The following PREX1 variants were observed in gnomAD, a reference collection of about 807,000 sequenced individuals.
PREX1 encodes phosphatidylinositol-3,4,5-trisphosphate dependent Rac exchange factor 1.
In PREX1, 41 loss-of-function variants were observed where a neutral mutation model predicts 198.3. The observed-to-expected ratio is 0.21, with a 90% CI of 0.16 to 0.27. The LOEUF (loss-of-function observed/expected upper bound fraction) is 0.27. Among genes scored for constraint, PREX1 ranks in the 10% least tolerant of loss-of-function variants. The probability of loss-of-function intolerance (pLI) is 1.00; values close to 1 mark genes in which losing one functional copy is unlikely to be tolerated. For synonymous variants in PREX1, 843 were observed against 887.2 expected, an observed-to-expected ratio of 0.95 and a Z score of 0.89; for missense variants, 1,620 against 2,200.7, an observed-to-expected ratio of 0.74 and a Z score of 5.28.
upstream of PREX1, among the ~76,000 whole-genome samples, chr20:48,831,936 C>T (rs2044516172): frequency 6.6e-6 from 1 of 152,178 alleles, no homozygotes; most frequent in Non-Finnish European, 1.5e-5. Context: ...ACTAAGCAGT[C>T]AGGCTGGAGT....
At chr20:48,633,080 A>T (rs2089328562) in intron 33 of PREX1, among the ~76,000 whole-genome samples, 1 of 152,194 alleles carries the variant, frequency 6.6e-6, no homozygotes, top group South Asian at 2.1e-4. Context: ...GCCAGAAGGA[A>T]GCGCTTAGGG....
At chr20:48,696,844 T>C (rs1248553643) in intron 7 of PREX1, among the ~76,000 whole-genome samples, 1 of 152,138 alleles carries the variant, frequency 6.6e-6, no homozygotes, top group Non-Finnish European at 1.5e-5. Flanking sequence ...CTCAAGCAGA[T>C]ATCAGCTCTT....
At chr20:48,627,656 A>C in intron 38 of PREX1, 41 bp from the exon 39 acceptor site, 1 of 1,120,224 alleles carries the variant, frequency 8.9e-7, no homozygotes, top group Non-Finnish European at 1.3e-6. Context: ...CTGCAGGTTC[A>C]GGGCACGTGA....
At chr20:48,688,073 T>A (rs1280895157) in intron 10 of PREX1, among the ~76,000 whole-genome samples, 2 of 152,098 alleles carry the variant, frequency 1.3e-5, no homozygotes, top group Non-Finnish European at 2.9e-5. Context: ...GTGCACTTTG[T>A]TATGGCAGCC....
intron 1 of PREX1, among the ~76,000 whole-genome samples, chr20:48,820,951 G>C (rs1288327856): frequency 6.6e-6 from 1 of 152,220 alleles, no homozygotes; most frequent in African/African-American, 2.4e-5. Context: ...TATAATCCCA[G>C]CACTGTGGGA....
rs2089436498 is a variant in PREX1, at chr20:48,644,444, T to C, written c.3566A>G (p.Asn1189Ser). 1 of 1,613,832 alleles carries C rather than the reference T, an allele frequency of 6.2e-7. No homozygotes were observed. Among genetic ancestry groups the C allele is most frequent in the Non-Finnish European group, 8.5e-7 (1 of 1,179,918 alleles). ...SVLSYTSVRS[N>S]SSYLGSDEMG... Reference sequence around the variant, plus strand: ...CTCGTCGCTGCCCAAGTAGGAGCTGTTACTTCTCACGCTGGTGTAGGACAG... The same window carrying C: ...CTCGTCGCTGCCCAAGTAGGAGCTGCTACTTCTCACGCTGGTGTAGGACAG... Residue 1189 changes from asparagine (N) to serine (S), a missense_variant, in exon 27 of 40, where the codon AAC (asparagine) becomes AGC (serine). This residue lies in a region of PREX1 where 9 missense variants were observed against 31.6 expected (regional missense o/e 0.29). Coordinates refer to ENST00000371941, the MANE Select transcript of PREX1 (RefSeq NM_020820.4).
intron 7 of PREX1, among the ~76,000 whole-genome samples, chr20:48,694,254 T>TA (rs2089834344): frequency 6.6e-6 from 1 of 152,150 alleles, no homozygotes; most frequent in Non-Finnish European, 1.5e-5. Context: ...GGTATTTTGT[T>TA]ATAGCAGCCT....
At chr20:48,789,193 A>T (rs1007455417) in intron 1 of PREX1, among the ~76,000 whole-genome samples, 1 of 152,208 alleles carries the variant, frequency 6.6e-6, no homozygotes, top group Non-Finnish European at 1.5e-5. Context: ...CCACCAATTC[A>T]GAATGGAACA....
intron 1 of PREX1, among the ~76,000 whole-genome samples, chr20:48,756,025 T>C (rs6019406): frequency 0.41 from 62,364 of 151,976 alleles, 13,106 homozygotes; most frequent in Admixed American, 0.46. Context: ...CCTCCTTGGA[T>C]ATGTGTATCC....
chr20:48,642,338 G>C (rs2089420871), intron 28 of PREX1, 69 bp downstream of exon 28: 5 of 1,604,388 alleles, frequency 3.1e-6, no homozygotes, highest in African/African-American at 1.3e-5. Flanking sequence ...CAGCCCCCGG[G>C]TCATGGGCCC....
chr20:48,813,656 G>A (rs1453816921), intron 1 of PREX1, among the ~76,000 whole-genome samples: 1 of 152,140 alleles, frequency 6.6e-6, no homozygotes, highest in African/African-American at 2.4e-5. Flanking sequence ...GTGCATGATG[G>A]AGACAGGGAA....
At chr20:48,854,585 C>A in the PREX1 span, among the ~76,000 whole-genome samples, 1 of 151,976 alleles carries the variant, frequency 6.6e-6, no homozygotes, top group Admixed American at 6.6e-5. Flanking sequence ...TAAAAAAAAC[C>A]ACATGTACTA....
chr20:48,758,392 C>T (rs1336774393), intron 1 of PREX1, among the ~76,000 whole-genome samples: 1 of 152,170 alleles, frequency 6.6e-6, no homozygotes, highest in Non-Finnish European at 1.5e-5. Flanking sequence ...AGTGGAGCGT[C>T]CCTCTGGTGT....
intron 1 of PREX1, among the ~76,000 whole-genome samples, chr20:48,789,731 A>C (rs2090329219): frequency 6.6e-6 from 1 of 152,232 alleles, no homozygotes; most frequent in African/African-American, 2.4e-5. Context: ...TATTATATAG[A>C]CAATGTTGTG....
intron 1 of PREX1, among the ~76,000 whole-genome samples, chr20:48,778,874 T>C (rs1422535286): frequency 2.0e-5 from 3 of 152,092 alleles, no homozygotes; most frequent in Non-Finnish European, 2.9e-5. Context: ...AAACTCAAAA[T>C]GGATCACAGA....
the PREX1 span, among the ~76,000 whole-genome samples, chr20:48,839,453 T>C: frequency 6.6e-6 from 1 of 152,196 alleles, no homozygotes; most frequent in Non-Finnish European, 1.5e-5. Flanking sequence ...GATAAAGACA[T>C]AGTGTTTTAT....
At chr20:48,634,639 C>T in intron 33 of PREX1, 37 bp downstream of exon 33, 1 of 1,602,594 alleles carries the variant, frequency 6.2e-7, no homozygotes, top group Non-Finnish European at 8.5e-7. Flanking sequence ...CCCCAGGACC[C>T]CACCTCTCAC....
chr20:48,784,936 C>T (rs2090305206), intron 1 of PREX1, among the ~76,000 whole-genome samples: 2 of 151,036 alleles, frequency 1.3e-5, no homozygotes, highest in African/African-American at 4.9e-5. Flanking sequence ...TTTTTGAGAC[C>T]GAGTTTCGCT....
At chr20:48,656,558 T>TC in intron 18 of PREX1, 1 of 456,806 alleles carries the variant, frequency 2.2e-6, no homozygotes, top group South Asian at 1.5e-5. Flanking sequence ...CCTAGCTGCT[T>TC]CCCCTGCCTG....
Sources: allele counts gnomAD v4.1 joint callset (sites outside exome capture counted in the v4.1 genomes callset), GRCh38; gene constraint gnomAD v4.1.1; regional missense constraint gnomAD v4.1.1; transcripts MANE v1.5; gene names NCBI Gene and HGNC (gene_info 2026-07-23, HGNC 2026-07-21).